The following SCN2A variants were observed in gnomAD, a reference collection of about 807,000 sequenced individuals.
The protein encoded by SCN2A is sodium voltage-gated channel alpha subunit 2.
In SCN2A, 20 loss-of-function variants were observed where a neutral mutation model predicts 188.7. The observed-to-expected ratio is 0.11, with a 90% CI of 0.07 to 0.15. The LOEUF (loss-of-function observed/expected upper bound fraction) is 0.15. Among genes scored for constraint, SCN2A ranks in the 10% least tolerant of loss-of-function variants. SCN2A has a pLI of 1.00. For synonymous variants in SCN2A, 804 were observed against 833.1 expected (o/e 0.97, Z 0.60); for missense variants, 1,278 against 2,445.0 (o/e 0.52, Z 10.07).
At chr2:165,350,159 CTG>C (rs1297031689) in intron 16 of SCN2A, among the ~76,000 whole-genome samples, 1 of 152,154 alleles carries the variant, frequency 6.6e-6, no homozygotes, top group African/African-American at 2.4e-5. Context: ...TTTCTGAAAA[CTG>C]ATAGTTCTAG....
rs1046415680 is a variant in SCN2A, at chr2:165,388,433, T to A, written c.4823-196T>A. Among the ~76,000 whole-genome samples, 10 of 152,174 alleles carry A rather than the reference T, an allele frequency of 6.6e-5. No individual in the cohort carries two copies. In the East Asian group the frequency reaches 1.7e-3, roughly 26 times the overall value. ...GGAAAAATGGCCCTTATTATCTTCA[T>A]TTAATATAAAGATGTAAATGTTATA... On this transcript the variant is annotated intron_variant, in intron 26 of 26. Transcript: ENST00000375437.
chr2:165,290,854 C>T lies in SCN2A; in HGVS notation c.-51-4919C>T, dbSNP rs75511631. ...TGGAAGATATACCATATGTATATATCCCGATATTGATAATGTTACTTTCCA... is the reference window on the plus strand; with the variant it reads ...TGGAAGATATACCATATGTATATATTCCGATATTGATAATGTTACTTTCCA... On this transcript the variant is annotated intron_variant, in intron 1 of 26. Coordinates refer to ENST00000375437, the MANE Select transcript of SCN2A (RefSeq NM_001040142.2). 1.2e-3 allele frequency: 989 copies of T among 827,480 alleles called. 9 individuals are homozygous for T. In the African/African-American group the frequency reaches 0.015, roughly 12 times the overall value. The allele number at this position is 827,480 out of a possible 1,614,324, so 51.3% of individuals were successfully genotyped here.
At chr2:165,359,706 A>C (rs914878473) in intron 17 of SCN2A, among the ~76,000 whole-genome samples, 1 of 152,044 alleles carries the variant, frequency 6.6e-6, no homozygotes, top group African/African-American at 2.4e-5. Context: ...ATCCTGGAGA[A>C]TGTGTAGTCC....
intron 24 of SCN2A, 37 bp downstream of exon 24, chr2:165,380,766 T>C (rs1701559110): frequency 2.7e-6 from 4 of 1,479,584 alleles, no homozygotes; most frequent in Admixed American, 1.7e-5. Context: ...CTCTGAAATA[T>C]GAACTAAATA....
rs946785343 is a variant in SCN2A, at chr2:165,389,122, C to T, written c.5316C>T (p.Ile1772=). Residue 1772 remains isoleucine (I), a synonymous_variant, in exon 27 of 27, where the codon ATC becomes ATT. Coordinates refer to ENST00000375437, the MANE Select transcript of SCN2A (RefSeq NM_001040142.2). The surrounding 1 kb of genome is among the most constrained non-coding windows in gnomAD (Gnocchi z 4.2). ...TCCTGGTTGTGGTGAACATGTACAT[C>T]GCGGTCATCCTGGAGAACTTCAGTG... The part of the protein sequence containing the change: ...ISFLVVVNMY[I]AVILENFSVA... The T allele has an allele frequency of 1.2e-5, 19 of 1,613,904 alleles. No homozygotes were observed. Among genetic ancestry groups the T allele is most frequent in the African/African-American group, 1.3e-5 (1 of 74,878 alleles).
rs55979694 is a variant in SCN2A, at chr2:165,291,035, CTTTTTTTTTTT to C, written c.-51-4724_-51-4714del. On this transcript the variant is annotated intron_variant, in intron 1 of 26. Coordinates refer to ENST00000375437, the MANE Select transcript of SCN2A (RefSeq NM_001040142.2). The stretch of plus-strand genomic sequence containing the variant: ...GGTGTTTTTTTCTTTTCTTTTCTTT[CTTTTTTTTTTT>C]TTTTTTTTTTTTTGAGACTGAGTTT... 3.8e-3 allele frequency among the ~76,000 whole-genome samples: 300 copies of C among 79,958 alleles called. 2 individuals carry two copies. The highest frequency in any genetic ancestry group is 0.013 in the African/African-American group (285 of 22,368). The allele number at this position is 79,958 out of a possible 152,430, so 52.5% of individuals were successfully genotyped here.
intron 12 of SCN2A, among the ~76,000 whole-genome samples, chr2:165,326,579 G>C (rs1006012395): frequency 3.3e-5 from 5 of 152,154 alleles, no homozygotes; most frequent in African/African-American, 7.2e-5. Context: ...AAGGTTATCT[G>C]TCCAGTAGTG....
intron 17 of SCN2A, among the ~76,000 whole-genome samples, chr2:165,361,948 G>A (rs1700479681): frequency 6.6e-6 from 1 of 151,960 alleles, no homozygotes; most frequent in Non-Finnish European, 1.5e-5. Flanking sequence ...TAAAAGATTT[G>A]TGTTACTCTG....
chr2:165,267,953 G>A (rs904324501), intron 1 of SCN2A: 9 of 151,972 alleles, frequency 5.9e-5, no homozygotes, highest in African/African-American at 9.7e-5. Context: ...AAAGATAAGC[G>A]TTGGTAAGGA....
At chr2:165,341,356 G>C (rs970887130) in intron 14 of SCN2A, among the ~76,000 whole-genome samples, 4 of 151,662 alleles carry the variant, frequency 2.6e-5, no homozygotes, top group African/African-American at 9.7e-5. Context: ...GCCTCCCAAA[G>C]TGCTGGGATT....
chr2:165,255,737 G>C (rs1401430294), intron 1 of SCN2A, among the ~76,000 whole-genome samples: 3 of 151,964 alleles, frequency 2.0e-5, no homozygotes, highest in Non-Finnish European at 4.4e-5. Flanking sequence ...CTCAGCTGCT[G>C]GTAGATGAAA....
rs111642347 is a variant in SCN2A, at chr2:165,327,121, G to A, written c.2149+137G>A. ...ATTTTACTAAATAACAGTAAAATCC[G>A]TGCATAACTCATGGATTCTATTATC... On this transcript the variant is annotated intron_variant, in intron 13 of 26. Transcript: ENST00000375437. 32 of 1,106,090 alleles carry A rather than the reference G, an allele frequency of 2.9e-5. 1 individual carries two copies. Among genetic ancestry groups the A allele is most frequent in the East Asian group, 2.3e-4 (9 of 39,042 alleles). 68.5% of individuals were successfully genotyped at this position (1,106,090 alleles called of 1,614,324 possible).
At chr2:165,315,904 T>A in intron 11 of SCN2A, 146 bp downstream of exon 11, 6 of 999,166 alleles carry the variant, frequency 6.0e-6, no homozygotes, top group Non-Finnish European at 8.7e-6. Flanking sequence ...GGCTATCACT[T>A]CAGAGAATTT....
chr2:165,378,913 A>C (rs1701453589), intron 23 of SCN2A, among the ~76,000 whole-genome samples: 1 of 151,794 alleles, frequency 6.6e-6, no homozygotes, highest in Non-Finnish European at 1.5e-5. Context: ...CATTATCTAC[A>C]CACCTACCAG....
At chr2:165,377,801 T>C in intron 23 of SCN2A, 151 bp downstream of exon 23, 1 of 586,126 alleles carries the variant, frequency 1.7e-6, no homozygotes, top group Non-Finnish European at 2.9e-6. Flanking sequence ...ATCATACTAT[T>C]TCTTTCAAAA....
chr2:165,341,140 C>G (rs1381598613), intron 14 of SCN2A, among the ~76,000 whole-genome samples: 1 of 152,168 alleles, frequency 6.6e-6, no homozygotes, highest in Admixed American at 6.5e-5. Context: ...TTCGCCCAGG[C>G]TGGAGTGCAG....
intron 17 of SCN2A, among the ~76,000 whole-genome samples, chr2:165,362,370 T>C (rs961600291): frequency 2.0e-5 from 3 of 152,054 alleles, no homozygotes; most frequent in African/African-American, 7.2e-5. Flanking sequence ...CAGGAATGTC[T>C]TTTATAATTT....
chr2:165,309,494 A>G lies in SCN2A; in HGVS notation c.697+51A>G, dbSNP rs376203810. The G allele has an allele frequency of 1.3e-5, 21 of 1,605,788 alleles. No homozygotes were observed. In the African/African-American group the frequency reaches 2.7e-4, roughly 20 times the overall value. ...CTGACTTTAGCTACAGTGGTGCTACAATCACAGCTTTTGTGCAGAAGCCTT... is the reference window on the plus strand; with the variant it reads ...CTGACTTTAGCTACAGTGGTGCTACGATCACAGCTTTTGTGCAGAAGCCTT... On this transcript the variant is annotated intron_variant, in intron 6 of 26. Coordinates refer to ENST00000375437, the MANE Select transcript of SCN2A (RefSeq NM_001040142.2).
At chr2:165,310,678 G>C in intron 7 of SCN2A, 83 bp downstream of exon 7, 1 of 1,013,144 alleles carries the variant, frequency 9.9e-7, no homozygotes, top group Non-Finnish European at 1.4e-6. Flanking sequence ...TCTCAATTTA[G>C]ATGTGAATCA....
Sources: allele counts gnomAD v4.1 joint callset (sites outside exome capture counted in the v4.1 genomes callset), GRCh38; gene constraint gnomAD v4.1.1; non-coding constraint Gnocchi (gnomAD v3.1); transcripts MANE v1.5; gene names NCBI Gene and HGNC (gene_info 2026-07-23, HGNC 2026-07-21).